Variants in ARMC8 observed in about 807,000 individuals in gnomAD.
The protein encoded by ARMC8 is armadillo repeat containing 8.
ARMC8 carries 20 observed loss-of-function variants against 99.3 expected under a neutral mutation model. The observed-to-expected ratio is 0.20, with a 90% confidence interval of 0.14 to 0.29. The LOEUF (loss-of-function observed/expected upper bound fraction) is 0.29, where lower values mean the gene tolerates loss of function less well. Among genes scored for constraint, ARMC8 ranks in the 10% least tolerant of loss-of-function variants. ARMC8 has a pLI of 1.00. For synonymous variants in ARMC8, 263 were observed against 278.3 expected (o/e 0.95, Z 0.55); for missense variants, 569 against 809.5 (o/e 0.70, Z 3.60).
chr3:138,290,730 T>G, intron 21 of ARMC8, 91 bp downstream of exon 21: 2 of 786,490 alleles, frequency 2.5e-6, no homozygotes, highest in South Asian at 3.5e-5. Flanking sequence ...TGGCCATACT[T>G]TTTAAAATCT....
intron 20 of ARMC8, among the ~76,000 whole-genome samples, chr3:138,290,243 A>C (rs555698206): frequency 1.3e-4 from 20 of 152,320 alleles, no homozygotes; most frequent in Non-Finnish European, 2.4e-4. Flanking sequence ...AGTCAGTGGC[A>C]GAGGGCCTTG....
chr3:138,275,501 G>C (rs936470036), intron 18 of ARMC8, among the ~76,000 whole-genome samples: 3 of 152,094 alleles, frequency 2.0e-5, no homozygotes, highest in Non-Finnish European at 4.4e-5. Context: ...GGAGCTTGCA[G>C]TGATCCAAGA....
At chr3:138,255,099 C>T (rs377537144) in intron 12 of ARMC8, among the ~76,000 whole-genome samples, 3 of 151,696 alleles carry the variant, frequency 2.0e-5, no homozygotes, top group African/African-American at 7.2e-5. Context: ...CCCTACAGAC[C>T]ATCTCTTAGA....
At chr3:138,219,064 C>T (rs2045245907) in intron 2 of ARMC8, among the ~76,000 whole-genome samples, 1 of 152,072 alleles carries the variant, frequency 6.6e-6, no homozygotes, top group African/African-American at 2.4e-5. Context: ...TTGAGACTGG[C>T]TCTGTCATTT....
At chr3:138,198,576 C>T (rs1386527544) in intron 1 of ARMC8, among the ~76,000 whole-genome samples, 2 of 151,708 alleles carry the variant, frequency 1.3e-5, no homozygotes, top group Non-Finnish European at 2.9e-5. Flanking sequence ...GCAGTGGCAC[C>T]GTCTCGGCTC....
chr3:138,275,210 G>C (rs757065273), intron 18 of ARMC8, among the ~76,000 whole-genome samples: 1 of 152,158 alleles, frequency 6.6e-6, no homozygotes, highest in Non-Finnish European at 1.5e-5. Context: ...AGATACTGGC[G>C]ATCTTCAGTT....
At chr3:138,289,894 C>T in intron 20 of ARMC8, among the ~76,000 whole-genome samples, 1 of 152,094 alleles carries the variant, frequency 6.6e-6, no homozygotes. Context: ...GTGGGCTCTT[C>T]AGTGGGGAAG....
intron 1 of ARMC8, among the ~76,000 whole-genome samples, chr3:138,201,329 A>T (rs1230479842): frequency 6.8e-6 from 1 of 146,164 alleles, no homozygotes; most frequent in Admixed American, 6.9e-5. Context: ...ACTGTATACT[A>T]TATCATCGTA....
At chr3:138,194,741 AT>A (rs1346345695) in intron 1 of ARMC8, among the ~76,000 whole-genome samples, 1 of 151,686 alleles carries the variant, frequency 6.6e-6, no homozygotes, top group African/African-American at 2.4e-5. Context: ...TTATAAGCAT[AT>A]TGTTGGCCTT....
intron 18 of ARMC8, among the ~76,000 whole-genome samples, chr3:138,281,524 C>CTCG (rs1327932148): frequency 6.6e-6 from 1 of 152,124 alleles, no homozygotes; most frequent in Non-Finnish European, 1.5e-5. Flanking sequence ...ATCTCTTGAC[C>CTCG]TCGTAATCCA....
At chr3:138,229,176 ATATATATGTATATGTATATG>A (rs2045893294) in intron 6 of ARMC8, 166 bp downstream of exon 6, 1 of 35,782 alleles carries the variant, frequency 2.8e-5, no homozygotes, top group Non-Finnish European at 5.9e-5. Flanking sequence ...ATATATATAT[ATATATATGTATATGTATATG>A]TATATGTATA....
At chr3:138,195,213 G>A (rs1174809252) in intron 1 of ARMC8, among the ~76,000 whole-genome samples, 2 of 151,592 alleles carry the variant, frequency 1.3e-5, no homozygotes, top group African/African-American at 4.8e-5. Context: ...GGGAAGTGGA[G>A]CTTGCAGTGA....
chr3:138,282,631 A>C (rs1157965636), intron 18 of ARMC8, among the ~76,000 whole-genome samples: 1 of 142,324 alleles, frequency 7.0e-6, no homozygotes, highest in African/African-American at 2.7e-5. Flanking sequence ...GTGAGACTCC[A>C]TCTCAAAAAA....
chr3:138,200,096 C>T (rs1471519581), intron 1 of ARMC8, among the ~76,000 whole-genome samples: 1 of 152,058 alleles, frequency 6.6e-6, no homozygotes. Flanking sequence ...CTTGAAGTGG[C>T]ATTCATAGAT....
chr3:138,262,405 C>T (rs895868444), intron 12 of ARMC8: 13 of 1,025,486 alleles, frequency 1.3e-5, no homozygotes, highest in East Asian at 9.7e-5. Flanking sequence ...ATGTGGTTCC[C>T]TGTTCTTAAT....
chr3:138,236,551 T>C (rs2046344528), intron 7 of ARMC8, among the ~76,000 whole-genome samples: 1 of 152,220 alleles, frequency 6.6e-6, no homozygotes, highest in Non-Finnish European at 1.5e-5. Context: ...CATTAATGTA[T>C]TCTAGGTTCC....
intron 12 of ARMC8, among the ~76,000 whole-genome samples, chr3:138,260,144 T>C (rs1184877007): frequency 6.6e-6 from 1 of 152,228 alleles, no homozygotes; most frequent in East Asian, 1.9e-4. Flanking sequence ...TACATAATTA[T>C]AGAAATGCAA....
chr3:138,235,043 C>G lies in ARMC8; in HGVS notation c.538C>G (p.His180Asp), dbSNP rs1461095927. 6.2e-7 allele frequency: 1 copy of G among 1,613,284 alleles called. No individual in the cohort carries two copies. Among genetic ancestry groups the G allele is most frequent in the East Asian group, 2.2e-5 (1 of 44,822 alleles). The change falls in exon 7 of 22, where the codon CAT becomes GAT. Residue 180 changes from histidine (H) to aspartate (D), a missense_variant. His to Asp is a moderately conservative substitution (Grantham distance 81, BLOSUM62 -1). Coordinates refer to ENST00000469044, the MANE Select transcript of ARMC8 (RefSeq NM_001363941.2). The part of the protein sequence containing the change: ...IFSHCCKGPD[H>D]QTILFNHGAV... ...TTCTTTTTTCTTACAGGGGCCAGAT[C>G]ATCAAACAATTTTATTTAACCACGG...
intron 19 of ARMC8, among the ~76,000 whole-genome samples, chr3:138,286,263 A>G (rs776901108): frequency 6.6e-6 from 1 of 152,070 alleles, no homozygotes; most frequent in Non-Finnish European, 1.5e-5. Flanking sequence ...GACTTCTTAA[A>G]AGCATCTTTT....
Sources: gnomAD v4.1 joint callset for allele counts (sites outside exome capture counted in the v4.1 genomes callset) on GRCh38, gnomAD v4.1.1 for gene constraint, MANE v1.5 for transcripts, NCBI Gene and HGNC (gene_info 2026-07-23, HGNC 2026-07-21) for gene names.